Variants in CMSS1 observed in about 807,000 individuals in gnomAD.
The protein encoded by CMSS1 is protein CMSS1.
CMSS1 carries 33 observed loss-of-function variants against 43.5 expected under a neutral mutation model. The ratio of observed to expected loss-of-function variants is 0.76; its 90% confidence interval spans 0.57 to 1.01. CMSS1 has a LOEUF of 1.01. Ranked by LOEUF, CMSS1 falls within the 50% of genes least tolerant of loss-of-function variation. The pLI, the probability that CMSS1 is intolerant of heterozygous loss-of-function variation, is 0.00. For missense variants in CMSS1, 313 were observed against 326.4 expected (o/e 0.96, Z 0.32); for synonymous variants, 115 against 117.2 (o/e 0.98, Z 0.12).
chr3:99,883,520 G>T (rs899275019), intron 1 of CMSS1, among the ~76,000 whole-genome samples: 1 of 152,118 alleles, frequency 6.6e-6, no homozygotes, highest in African/African-American at 2.4e-5. Flanking sequence ...GAATGTGTGT[G>T]TTGGCTGGGG....
intron 1 of CMSS1, among the ~76,000 whole-genome samples, chr3:99,986,809 A>G (rs1709354808): frequency 6.6e-6 from 1 of 152,192 alleles, no homozygotes; most frequent in Non-Finnish European, 1.5e-5. Flanking sequence ...GGTTTCTGCT[A>G]AATGTCTGCA....
intron 1 of CMSS1, chr3:100,010,242 T>C (rs1195705616): frequency 2.1e-6 from 1 of 477,718 alleles, no homozygotes; most frequent in East Asian, 1.5e-4. Context: ...TCTCAGTATG[T>C]TTTTCCCCCC....
intron 1 of CMSS1, among the ~76,000 whole-genome samples, chr3:100,054,122 G>A (rs1383476415): frequency 1.3e-5 from 2 of 152,180 alleles, no homozygotes; most frequent in Non-Finnish European, 2.9e-5. Flanking sequence ...ACATTTGTGT[G>A]CTTTCAAGAT....
chr3:99,988,907 C>T (rs1361801251), intron 1 of CMSS1, among the ~76,000 whole-genome samples: 4 of 152,144 alleles, frequency 2.6e-5, no homozygotes, highest in East Asian at 1.9e-4. Context: ...TTTCAGCACT[C>T]GGAGTAATTG....
chr3:99,844,180 C>A (rs917540261), intron 1 of CMSS1, among the ~76,000 whole-genome samples: 2 of 152,148 alleles, frequency 1.3e-5, no homozygotes, highest in African/African-American at 2.4e-5. Flanking sequence ...AGAAAAAGAT[C>A]AAAATTTGAA....
rs557199486 is a variant in CMSS1 at position 99,890,087 on chromosome 3, T to C, written c.64+72044T>C. Among the ~76,000 whole-genome samples, 348 of 152,220 alleles carry C rather than the reference T, an allele frequency of 2.3e-3. 3 individuals are homozygous for C. The highest frequency in any genetic ancestry group is 3.6e-3 in the Non-Finnish European group (248 of 67,958). On this transcript the variant is annotated intron_variant, in intron 1 of 9. Transcript: ENST00000421999. ...TAGTGGAAGTCTGCTCTTTGCACAC[T>C]GTATTTATTTGAATCTGTCTTTATT... is the stretch of plus-strand genomic sequence containing the variant.
rs150380490 is a variant in CMSS1, at chr3:100,175,316, G to A, written c.668-1011G>A. Among the ~76,000 whole-genome samples, 93 of 152,058 alleles carry A rather than the reference G, an allele frequency of 6.1e-4. 1 individual carries two copies. The East Asian group carries it at 0.016, about 26-fold the overall frequency. On this transcript the variant is annotated intron_variant, in intron 8 of 9. Coordinates refer to ENST00000421999, the MANE Select transcript of CMSS1 (RefSeq NM_032359.4). ...CACCGTGGCTCATGCCTATAATCCC[G>A]GCACTTTGGGATGCTGAGATGGGCA... is the stretch of plus-strand genomic sequence containing the variant.
intron 6 of CMSS1, among the ~76,000 whole-genome samples, chr3:100,168,863 T>TTATATA (rs397816245): frequency 1.5e-4 from 22 of 146,122 alleles, no homozygotes; most frequent in East Asian, 4.0e-4. Flanking sequence ...AGATTACAAA[T>TTATATA]TATATATATA....
chr3:99,837,027 A>G (rs1351070685), intron 1 of CMSS1, among the ~76,000 whole-genome samples: 1 of 152,242 alleles, frequency 6.6e-6, no homozygotes, highest in African/African-American at 2.4e-5. Flanking sequence ...AATAGTAATA[A>G]TCGTCCATTG....
At chr3:100,039,548 G>C (rs1233997679) in intron 1 of CMSS1, among the ~76,000 whole-genome samples, 1 of 152,076 alleles carries the variant, frequency 6.6e-6, no homozygotes, top group Non-Finnish European at 1.5e-5. Flanking sequence ...GATACCAGGA[G>C]TACCTTGGAA....
At chr3:99,977,003 A>T (rs902394873) in intron 1 of CMSS1, among the ~76,000 whole-genome samples, 3 of 152,176 alleles carry the variant, frequency 2.0e-5, no homozygotes, top group African/African-American at 7.2e-5. Flanking sequence ...CTAGCCTATG[A>T]TCACCGTTTA....
intron 1 of CMSS1, among the ~76,000 whole-genome samples, chr3:99,868,607 GGTT>G (rs1275097007): frequency 6.6e-6 from 1 of 152,220 alleles, no homozygotes; most frequent in African/African-American, 2.4e-5. Flanking sequence ...CATAAGTCCA[GGTT>G]GTTCTGAAGG....
At chr3:99,926,243 A>C (rs890395905) in intron 1 of CMSS1, among the ~76,000 whole-genome samples, 2 of 152,270 alleles carry the variant, frequency 1.3e-5, no homozygotes, top group African/African-American at 4.8e-5. Context: ...TATAGAACCC[A>C]GTAAATTCTC....
chr3:100,166,530 C>G (rs992631057), intron 5 of CMSS1, 136 bp downstream of exon 5: 5 of 616,242 alleles, frequency 8.1e-6, no homozygotes, highest in Admixed American at 2.7e-5. Context: ...GAATGGTGTT[C>G]TAGTCCCAGG....
chr3:99,977,066 T>C (rs780791188), intron 1 of CMSS1, among the ~76,000 whole-genome samples: 1 of 152,196 alleles, frequency 6.6e-6, no homozygotes, highest in African/African-American at 2.4e-5. Flanking sequence ...TAGCACCTAG[T>C]GTCTCTATGT....
chr3:100,148,254 CT>C (rs1392665160), intron 2 of CMSS1, among the ~76,000 whole-genome samples: 1 of 151,994 alleles, frequency 6.6e-6, no homozygotes, highest in Non-Finnish European at 1.5e-5. Context: ...ATTTCTTTAT[CT>C]TTTTGTAGAG....
intron 1 of CMSS1, among the ~76,000 whole-genome samples, chr3:100,001,615 T>C (rs554060410): frequency 6.6e-6 from 1 of 152,234 alleles, no homozygotes; most frequent in Admixed American, 6.5e-5. Context: ...GTGGGAGACA[T>C]GTTCCATCTA....
intron 1 of CMSS1, among the ~76,000 whole-genome samples, chr3:99,822,815 T>G (rs1942464248): frequency 6.6e-6 from 1 of 152,246 alleles, no homozygotes; most frequent in Non-Finnish European, 1.5e-5. Flanking sequence ...GATGCTGTTT[T>G]GATTGCTTTA....
intron 1 of CMSS1, among the ~76,000 whole-genome samples, chr3:99,839,886 G>A (rs762315607): frequency 2.6e-5 from 4 of 152,126 alleles, no homozygotes; most frequent in Non-Finnish European, 4.4e-5. Context: ...CATATGAGTT[G>A]TCAGATTTTT....
Sources: gnomAD v4.1 joint callset for allele counts (sites outside exome capture counted in the v4.1 genomes callset) on GRCh38, gnomAD v4.1.1 for gene constraint, MANE v1.5 for transcripts, NCBI Gene and HGNC (gene_info 2026-07-23, HGNC 2026-07-21) for gene names.